AMOTL2: variants seen among roughly 807,000 people sequenced by gnomAD.
The protein encoded by AMOTL2 is angiomotin like 2.
Under a neutral mutation model 78.4 loss-of-function variants are expected in AMOTL2, and 33 were observed. That is an observed-to-expected ratio of 0.42 (90% confidence interval 0.32 to 0.56). The LOEUF (loss-of-function observed/expected upper bound fraction) is 0.56. Ranked by LOEUF, AMOTL2 falls within the 20% of genes least tolerant of loss-of-function variation. The probability of loss-of-function intolerance (pLI) is 0.12; values close to 1 mark genes in which losing one functional copy is unlikely to be tolerated. For synonymous variants in AMOTL2, 422 were observed against 428.8 expected, an observed-to-expected ratio of 0.98 and a Z score of 0.20; for missense variants, 983 against 1,030.1, an observed-to-expected ratio of 0.95 and a Z score of 0.63.
rs773125784 is a variant in AMOTL2 at position 134,367,617 on chromosome 3, G to C, written c.921C>G (p.Gly307=). 21 of 1,613,444 alleles carry C rather than the reference G, an allele frequency of 1.3e-5. No individual in the cohort carries two copies. The highest frequency in any genetic ancestry group is 1.8e-5 in the Non-Finnish European group (21 of 1,180,042). ...CCTCCATCTGGGCCAGGTGGGCACT[G>C]CCCGAGGTGGCTGAGGAGGCCTGGG... ...VSAQASSATS[G]SAHLAQMEAV... is the part of the protein sequence containing the mutation. Residue 307 remains glycine (G), a synonymous_variant, in exon 3 of 10, where the codon GGC becomes GGG. Transcript: ENST00000249883.
intron 1 of AMOTL2, among the ~76,000 whole-genome samples, chr3:134,372,166 C>A (rs1482870350): frequency 5.9e-5 from 9 of 152,290 alleles, no homozygotes; most frequent in African/African-American, 2.2e-4. Context: ...ACCTACCACC[C>A]TCTAGCCCGC....
Position 134,360,342 on chromosome 3 carries a change from T to C in AMOTL2, c.1647A>G (p.Ser549=). 6.2e-7 allele frequency: 1 copy of C among 1,614,216 alleles called. No homozygotes were observed. The highest frequency in any genetic ancestry group is 8.5e-7 in the Non-Finnish European group (1 of 1,180,046). ...GCTCCTCCTTCTCTCGCAGTTGTTC[T>C]GACAGTCGCAGGGCGCTGAGCTCTG... ...GSPELSALRL[S]EQLREKEEQI... is the part of the protein sequence containing the mutation. The change falls in exon 7 of 10, where the codon TCA becomes TCG. Residue 549 remains serine (S), a synonymous_variant. Coordinates refer to ENST00000249883, the MANE Select transcript of AMOTL2 (RefSeq NM_016201.4).
chr3:134,367,194 G>T (rs1313999560), intron 3 of AMOTL2, among the ~76,000 whole-genome samples: 2 of 152,192 alleles, frequency 1.3e-5, no homozygotes, highest in African/African-American at 4.8e-5. Context: ...ATGGGAGGGG[G>T]TGTGTGCAGG....
chr3:134,374,928 C>CGT (rs71624045), upstream of AMOTL2: 9 of 990,668 alleles, frequency 9.1e-6, no homozygotes, highest in Non-Finnish European at 1.1e-5. Context: ...TGTGTGTGTG[C>CGT]GTGTGTGTGT....
Position 134,356,098 on chromosome 3 carries a change from T to C in AMOTL2, c.*1607A>G, listed in dbSNP as rs2017068076. 1 of 152,556 alleles carries C rather than the reference T, an allele frequency of 6.6e-6. No homozygotes were observed. The highest frequency in any genetic ancestry group is 1.5e-5 in the Non-Finnish European group (1 of 68,016). 9.5% of individuals were successfully genotyped at this position (152,556 alleles called of 1,614,324 possible). On this transcript the variant is annotated 3_prime_UTR_variant, in exon 10 of 10. Transcript: ENST00000249883. ...ATTAATCCAAAATATATTAAGTTGTTTTTTTTCTTTCACAATATTTTTTGC... is the reference window on the plus strand; with the variant it reads ...ATTAATCCAAAATATATTAAGTTGTCTTTTTTCTTTCACAATATTTTTTGC...
chr3:134,368,813 C>T (rs748576540), intron 2 of AMOTL2, among the ~76,000 whole-genome samples: 2 of 152,142 alleles, frequency 1.3e-5, no homozygotes, highest in Non-Finnish European at 2.9e-5. Flanking sequence ...ATTCTATTGG[C>T]CTCTGGCACT....
chr3:134,361,264 A>AG (rs1472949110), intron 6 of AMOTL2, among the ~76,000 whole-genome samples: 1 of 152,150 alleles, frequency 6.6e-6, no homozygotes, highest in Non-Finnish European at 1.5e-5. Context: ...TGCCGAGGAC[A>AG]GGAGTCCCCC....
At chr3:134,360,085 G>T (rs974746598) in intron 7 of AMOTL2, 21 bp downstream of exon 7, 2 of 1,594,708 alleles carry the variant, frequency 1.3e-6, no homozygotes, top group Admixed American at 1.7e-5. Context: ...AACCTCAGGT[G>T]CCTGGCCTGC....
chr3:134,360,831 A>G (rs1320743924), intron 6 of AMOTL2, among the ~76,000 whole-genome samples: 1 of 152,220 alleles, frequency 6.6e-6, no homozygotes, highest in Non-Finnish European at 1.5e-5. Flanking sequence ...GGCTAAGCAC[A>G]GTGGATCTGG....
chr3:134,369,758 T>C (rs1686250727), intron 2 of AMOTL2, among the ~76,000 whole-genome samples: 1 of 152,216 alleles, frequency 6.6e-6, no homozygotes, highest in African/African-American at 2.4e-5. Context: ...TCTGAAATCC[T>C]TGGGGTCCCT....
At position 134,357,210 on chromosome 3, in the gene AMOTL2, C is replaced by G. The variant is rs142305798; in HGVS notation, c.*495G>C. On this transcript the variant is annotated 3_prime_UTR_variant, in exon 10 of 10. Transcript: ENST00000249883. ...AGTATCCCAAGAAGGCAGTGAGGAA[C>G]TGAAGAGCAGATGACGTTGGCTGGA... 5.9e-6 allele frequency: 1 copy of G among 169,896 alleles called. No homozygotes were observed. Among genetic ancestry groups the G allele is most frequent in the African/African-American group, 2.4e-5 (1 of 42,394 alleles). 10.5% of individuals were successfully genotyped at this position (169,896 alleles called of 1,614,324 possible).
chr3:134,358,193 C>T (rs930757040), intron 9 of AMOTL2, among the ~76,000 whole-genome samples: 1 of 152,142 alleles, frequency 6.6e-6, no homozygotes, highest in African/African-American at 2.4e-5. Context: ...GTGCCATCGG[C>T]ATGACTTGCG....
At chr3:134,373,992 TC>T in intron 1 of AMOTL2, 1 of 351,476 alleles carries the variant, frequency 2.8e-6, no homozygotes, top group Non-Finnish European at 4.0e-6. Context: ...CAACTTGAGC[TC>T]CAAGCGGCGC....
intron 7 of AMOTL2, among the ~76,000 whole-genome samples, 195 bp downstream of exon 7, chr3:134,359,911 A>T (rs1399657738): frequency 2.0e-5 from 3 of 152,226 alleles, no homozygotes; most frequent in Non-Finnish European, 4.4e-5. Context: ...GGGCAGACCA[A>T]GGACTCGGTA....
In AMOTL2 at chr3:134,367,720, G is replaced by A. The variant is rs1440028727; in HGVS notation, c.818C>T (p.Pro273Leu). ...GCCGAGAGCAGCTGGATGTGGGGGA[G>A]GGGGGTGCTCCTGAGATTGCTGCAG... ...QYLQQSQEHP[P>L]PPHPAALGHG... The change falls in exon 3 of 10, where the codon CCT becomes CTT. Residue 273 changes from proline (P) to leucine (L), a missense_variant. Transcript: ENST00000249883. The A allele has an allele frequency of 2.1e-5, 34 of 1,613,466 alleles. No individual in the cohort carries two copies. Among genetic ancestry groups the A allele is most frequent in the Non-Finnish European group, 2.9e-5 (34 of 1,179,924 alleles).
chr3:134,368,379 C>T (rs139139129), intron 2 of AMOTL2, among the ~76,000 whole-genome samples: 42 of 152,270 alleles, frequency 2.8e-4, no homozygotes, highest in African/African-American at 9.4e-4. Flanking sequence ...TGCCACCCCC[C>T]ACCCCCCACT....
At chr3:134,361,453 G>T (rs1220503822) in intron 6 of AMOTL2, 59 bp downstream of exon 6, 16 of 1,502,542 alleles carry the variant, frequency 1.1e-5, no homozygotes, top group Non-Finnish European at 7.1e-6. Flanking sequence ...AGTCCCCGAG[G>T]AGGAAGGGAA....
rs999546663 is a variant in AMOTL2, at chr3:134,367,602, G to A, written c.936C>T (p.Ala312=). 1.2e-6 allele frequency: 2 copies of A among 1,613,506 alleles called. No individual in the cohort carries two copies. Among genetic ancestry groups the A allele is most frequent in the Non-Finnish European group, 1.7e-6 (2 of 1,180,044 alleles). The change falls in exon 3 of 10, where the codon GCC becomes GCT. Residue 312 remains alanine, a synonymous_variant. Transcript: ENST00000249883. ...TCTCCCTCAGCACGGCCTCCATCTG[G>A]GCCAGGTGGGCACTGCCCGAGGTGG... ...SSATSGSAHL[A]QMEAVLRENA...
rs757049891 is a variant in AMOTL2 at position 134,371,462 on chromosome 3, G to C, written c.-29C>G. ...TCTTTGGCTTGCACACAGCTGCCTG[G>C]ACAATGGCCGGTGGCACCTGGCCCC... On this transcript the variant is annotated 5_prime_UTR_variant, in exon 2 of 10. Coordinates refer to ENST00000249883, the MANE Select transcript of AMOTL2 (RefSeq NM_016201.4). 1 of 1,593,490 alleles carries C rather than the reference G, an allele frequency of 6.3e-7. No individual in the cohort carries two copies. Among genetic ancestry groups the C allele is most frequent in the South Asian group, 1.1e-5 (1 of 91,008 alleles).
Sources: allele counts gnomAD v4.1 joint callset (sites outside exome capture counted in the v4.1 genomes callset), GRCh38; gene constraint gnomAD v4.1.1; transcripts MANE v1.5; gene names NCBI Gene and HGNC (gene_info 2026-07-23, HGNC 2026-07-21).